The following EIF3H variants were observed in gnomAD, a reference collection of about 807,000 sequenced individuals.
EIF3H encodes eIF-3-gamma.
EIF3H carries 26 observed loss-of-function variants against 44.2 expected under a neutral mutation model. That is an observed-to-expected ratio of 0.59 (90% confidence interval 0.43 to 0.82). The LOEUF is 0.82. EIF3H is among the 40% of genes least tolerant of loss of function. EIF3H has a pLI of 0.00. For synonymous variants in EIF3H, 166 were observed against 151.9 expected (o/e 1.09, Z -0.68); for missense variants, 359 against 432.8 (o/e 0.83, Z 1.51).
chr8:116,709,238 T>A (rs1038601473), intron 2 of EIF3H, among the ~76,000 whole-genome samples: 6 of 152,146 alleles, frequency 3.9e-5, no homozygotes, highest in Non-Finnish European at 8.8e-5. Context: ...TCCTCCCAGT[T>A]ATGGATCTGC....
At chr8:116,711,915 G>A (rs1222230326) in intron 2 of EIF3H, among the ~76,000 whole-genome samples, 1 of 152,110 alleles carries the variant, frequency 6.6e-6, no homozygotes, top group Non-Finnish European at 1.5e-5. Context: ...CAAAAAATAT[G>A]TGTAGCAGAA....
At chr8:116,682,351 T>C (rs1203444542) in intron 2 of EIF3H, among the ~76,000 whole-genome samples, 2 of 152,226 alleles carry the variant, frequency 1.3e-5, no homozygotes, top group Admixed American at 6.5e-5. Context: ...GTGATTGGTA[T>C]AGATCCATTT....
intron 2 of EIF3H, among the ~76,000 whole-genome samples, chr8:116,661,144 CAAAGT>C (rs1465749854): frequency 2.0e-5 from 3 of 152,076 alleles, no homozygotes; most frequent in African/African-American, 2.4e-5. Flanking sequence ...TCTTTTAAAT[CAAAGT>C]AAAATCACTG....
chr8:116,707,364 T>C (rs980996971), intron 2 of EIF3H, among the ~76,000 whole-genome samples: 17 of 152,194 alleles, frequency 1.1e-4, no homozygotes, highest in Non-Finnish European at 1.2e-4. Context: ...TTGATATTGT[T>C]ATAAGTACAG....
rs530232074 is a variant in EIF3H, at chr8:116,751,081, A to G, written c.132+4585T>C. On this transcript the variant is annotated intron_variant, in intron 1 of 7. Transcript: ENST00000521861. ...CAAAAAATTAGCCGGGCGTAGTGGC[A>G]GGCGCCTGTAGTCCCAGCTACTTGG... Among the ~76,000 whole-genome samples the G allele has an allele frequency of 9.4e-3, 1,418 of 151,376 alleles. 13 individuals carry two copies. The highest frequency in any genetic ancestry group is 0.015 in the Non-Finnish European group (989 of 67,558).
At chr8:116,702,109 G>A (rs1275193736) in intron 2 of EIF3H, among the ~76,000 whole-genome samples, 1 of 152,178 alleles carries the variant, frequency 6.6e-6, no homozygotes, top group African/African-American at 2.4e-5. Flanking sequence ...TTACGTGTGT[G>A]AAGTCTGGGA....
chr8:116,697,988 G>A (rs1814297041), intron 2 of EIF3H, among the ~76,000 whole-genome samples: 1 of 152,198 alleles, frequency 6.6e-6, no homozygotes, highest in African/African-American at 2.4e-5. Context: ...CTGCCTTAAT[G>A]TATTCTATGC....
chr8:116,752,779 GGGAGGGAGGGAGGGAGGGAAGGAAGGAA>G (rs1815378166), intron 1 of EIF3H, among the ~76,000 whole-genome samples: 1 of 53,558 alleles, frequency 1.9e-5, no homozygotes, highest in South Asian at 7.2e-4. Context: ...GAGGGAGGGA[GGGAGGGAGGGAGGGAGGGAAGGAAGGAA>G]GGAAGGAAGG....
intron 5 of EIF3H, among the ~76,000 whole-genome samples, chr8:116,652,719 T>C (rs1338050624): frequency 6.6e-6 from 1 of 151,886 alleles, no homozygotes; most frequent in African/African-American, 2.4e-5. Context: ...GTCTAAAGAG[T>C]TGAAAATTTA....
chr8:116,683,087 T>C (rs1209460255), intron 2 of EIF3H, among the ~76,000 whole-genome samples: 2 of 152,228 alleles, frequency 1.3e-5, no homozygotes, highest in South Asian at 4.1e-4. Context: ...GATAAAGCTA[T>C]ACCCCACACA....
chr8:116,646,275 A>G (rs1813297073), intron 7 of EIF3H, among the ~76,000 whole-genome samples, 196 bp downstream of exon 7: 1 of 152,230 alleles, frequency 6.6e-6, no homozygotes, highest in African/African-American at 2.4e-5. Flanking sequence ...AAGCACTGAA[A>G]GGACCTGGAC....
At chr8:116,717,948 T>C (rs1814681168) in intron 2 of EIF3H, among the ~76,000 whole-genome samples, 1 of 151,762 alleles carries the variant, frequency 6.6e-6, no homozygotes, top group Admixed American at 6.6e-5. Flanking sequence ...ATCAGCAGAG[T>C]AAACAGACAA....
chr8:116,753,359 C>G (rs1425509162), intron 1 of EIF3H, among the ~76,000 whole-genome samples: 1 of 151,986 alleles, frequency 6.6e-6, no homozygotes. Flanking sequence ...CCTTTACCTG[C>G]TCTTATTATG....
chr8:116,752,795 G>GGGAGGGAA (rs1815380272), intron 1 of EIF3H, among the ~76,000 whole-genome samples: 5 of 80,364 alleles, frequency 6.2e-5, no homozygotes, highest in Non-Finnish European at 1.1e-4. Context: ...GAGGGAGGGA[G>GGGAGGGAA]GGAAGGAAGG....
intron 6 of EIF3H, 62 bp downstream of exon 6, chr8:116,648,744 T>C (rs1461939296): frequency 6.7e-7 from 1 of 1,497,970 alleles, no homozygotes; most frequent in African/African-American, 1.4e-5. Context: ...ATTTTGAACA[T>C]GACTCTTGAA....
chr8:116,683,549 T>A (rs1342679559), intron 2 of EIF3H, among the ~76,000 whole-genome samples: 7 of 152,246 alleles, frequency 4.6e-5, no homozygotes, highest in African/African-American at 1.7e-4. Context: ...CGTAAGAATT[T>A]TAGAGGAATG....
chr8:116,763,970 C>T (rs1815543349), intron 1 of EIF3H, among the ~76,000 whole-genome samples: 4 of 152,098 alleles, frequency 2.6e-5, no homozygotes, highest in Non-Finnish European at 5.9e-5. Flanking sequence ...AAATTATTCT[C>T]ATGTCAACTT....
chr8:116,702,524 A>G (rs1382023333), intron 2 of EIF3H, among the ~76,000 whole-genome samples: 1 of 152,200 alleles, frequency 6.6e-6, no homozygotes, highest in Non-Finnish European at 1.5e-5. Context: ...AGCAGGAACC[A>G]AGCTTCACAT....
chr8:116,731,018 G>T (rs1814942028), intron 1 of EIF3H, among the ~76,000 whole-genome samples: 1 of 152,176 alleles, frequency 6.6e-6, no homozygotes, highest in Admixed American at 6.5e-5. Context: ...ATAAATGAGT[G>T]ATACCAAACT....
Sources: gnomAD v4.1 joint callset for allele counts (sites outside exome capture counted in the v4.1 genomes callset) on GRCh38, gnomAD v4.1.1 for gene constraint, MANE v1.5 for transcripts, NCBI Gene and HGNC (gene_info 2026-07-23, HGNC 2026-07-21) for gene names.